SLC5A11: variants seen among roughly 807,000 people sequenced by gnomAD.
SLC5A11 encodes the protein sodium/myo-inositol cotransporter 2.
SLC5A11 carries 48 observed loss-of-function variants against 69.8 expected under a neutral mutation model. The ratio of observed to expected loss-of-function variants is 0.69; its 90% CI spans 0.55 to 0.87. The LOEUF (loss-of-function observed/expected upper bound fraction) is 0.87, where lower values mean the gene tolerates loss of function less well. Among genes scored for constraint, SLC5A11 ranks in the 40% least tolerant of loss-of-function variants. SLC5A11 has a pLI of 0.00. For missense variants in SLC5A11, 784 were observed against 866.1 expected (o/e 0.91, Z 1.19); for synonymous variants, 319 against 342.4 (o/e 0.93, Z 0.75).
chr16:24,846,117 A>T (rs922187249), exon 1 of SLC5A11: 1 of 152,386 alleles, frequency 6.6e-6, no homozygotes, highest in African/African-American at 2.4e-5. Flanking sequence ...GTGTGGGCAG[A>T]GCGTGGGACA....
At chr16:24,891,946 A>G (rs1045136534) in intron 9 of SLC5A11, among the ~76,000 whole-genome samples, 5 of 151,628 alleles carry the variant, frequency 3.3e-5, no homozygotes, top group African/African-American at 1.2e-4. Flanking sequence ...TGCAATTTAA[A>G]ATGGGGTGAC....
chr16:24,849,593 A>AAAAAAAAAATATAT, intron 1 of SLC5A11, among the ~76,000 whole-genome samples: 2 of 35,922 alleles, frequency 5.6e-5, no homozygotes, highest in African/African-American at 1.8e-4. Flanking sequence ...AAAAAAAAAA[A>AAAAAAAAAATATAT]ATATATATAT....
chr16:24,907,205 G>C (rs1201541493), intron 12 of SLC5A11, 30 bp downstream of exon 13: 2 of 1,611,416 alleles, frequency 1.2e-6, no homozygotes, highest in Non-Finnish European at 1.7e-6. Flanking sequence ...GGCTGGGGCA[G>C]GGGGAAGAGA....
At chr16:24,874,305 G>T (rs1236663817) in intron 5 of SLC5A11, among the ~76,000 whole-genome samples, 3 of 152,144 alleles carry the variant, frequency 2.0e-5, no homozygotes, top group Non-Finnish European at 4.4e-5. Flanking sequence ...TTATAAATGT[G>T]TTCTTCTACA....
chr16:24,883,109 A>G (rs1041559493), intron 7 of SLC5A11, among the ~76,000 whole-genome samples: 5 of 152,210 alleles, frequency 3.3e-5, no homozygotes, highest in Non-Finnish European at 7.3e-5. Context: ...TTACACCCGT[A>G]ATCCCAGCAC....
chr16:24,855,457 G>A (rs1293539926), intron 1 of SLC5A11, among the ~76,000 whole-genome samples: 1 of 146,054 alleles, frequency 6.8e-6, no homozygotes, highest in Non-Finnish European at 1.5e-5. Flanking sequence ...AAAAAAATTA[G>A]CCAGGCATGG....
intron 9 of SLC5A11, among the ~76,000 whole-genome samples, chr16:24,893,787 G>T (rs1379121525): frequency 6.6e-6 from 1 of 152,092 alleles, no homozygotes; most frequent in African/African-American, 2.4e-5. Flanking sequence ...GGCCAGGCTA[G>T]TCTTGAACTC....
intron 10 of SLC5A11, among the ~76,000 whole-genome samples, chr16:24,905,405 G>A (rs772722392): frequency 2.0e-5 from 3 of 150,578 alleles, no homozygotes; most frequent in African/African-American, 2.4e-5. Flanking sequence ...ATTGTGCCAC[G>A]CACTCCAGTC....
intron 6 of SLC5A11, chr16:24,877,053 G>C: frequency 7.1e-7 from 1 of 1,400,502 alleles, no homozygotes; most frequent in Non-Finnish European, 9.3e-7. Context: ...CCATTGAGGA[G>C]GCTGCTGCAT....
chr16:24,872,890 C>G (rs1283278563), intron 5 of SLC5A11, among the ~76,000 whole-genome samples: 2 of 134,442 alleles, frequency 1.5e-5, no homozygotes, highest in Non-Finnish European at 3.1e-5. Context: ...GTAATCCTAG[C>G]ACTTTGGGAG....
intron 2 of SLC5A11, among the ~76,000 whole-genome samples, chr16:24,861,615 A>G (rs556640800): frequency 2.7e-5 from 4 of 147,248 alleles, no homozygotes; most frequent in African/African-American, 7.5e-5. Flanking sequence ...GGGAGGGAGG[A>G]AGGAAGGGAG....
intron 7 of SLC5A11, among the ~76,000 whole-genome samples, chr16:24,878,087 G>A (rs557575505): frequency 4.8e-4 from 73 of 152,338 alleles, no homozygotes; most frequent in Non-Finnish European, 7.6e-4. Flanking sequence ...CCGGTGGGGC[G>A]GACGTTGCAG....
At chr16:24,869,765 T>C in intron 3 of SLC5A11, 136 bp from the exon 5 acceptor site, 3 of 610,722 alleles carry the variant, frequency 4.9e-6, no homozygotes, top group Non-Finnish European at 2.9e-6. Context: ...TAAACAAAAA[T>C]GCCAGATAGG....
intron 7 of SLC5A11, among the ~76,000 whole-genome samples, chr16:24,882,656 A>G (rs1376001718): frequency 6.6e-6 from 1 of 152,114 alleles, no homozygotes; most frequent in Non-Finnish European, 1.5e-5. Flanking sequence ...GTATTTATTT[A>G]TTCTTTTGAG....
At chr16:24,857,652 A>T (rs2152243968) in intron 1 of SLC5A11, among the ~76,000 whole-genome samples, 1 of 152,234 alleles carries the variant, frequency 6.6e-6, no homozygotes, top group Admixed American at 6.5e-5. Context: ...TCATGCTGTC[A>T]TCTCTGTGGC....
At chr16:24,860,166 A>T (rs1300618636) in intron 2 of SLC5A11, among the ~76,000 whole-genome samples, 1 of 152,232 alleles carries the variant, frequency 6.6e-6, no homozygotes, top group African/African-American at 2.4e-5. Flanking sequence ...GGGTGCCTAT[A>T]GTCCCAGCTA....
chr16:24,894,013 A>G (rs988162114), intron 9 of SLC5A11, among the ~76,000 whole-genome samples: 1 of 152,206 alleles, frequency 6.6e-6, no homozygotes. Flanking sequence ...GACAATGCCA[A>G]TAATCACAAC....
rs148995166 is a variant in SLC5A11, at chr16:24,852,334, C to A, written c.-25+5896C>A. On this transcript the variant is annotated intron_variant, in intron 1 of 15. Coordinates refer to ENST00000347898, the Ensembl canonical transcript of SLC5A11. ...TGGGGTGTGGAAATTTTTCACATCT[C>A]CTGGGGCGTGGAAAATTTTCACATC... 6.9e-3 allele frequency among the ~76,000 whole-genome samples: 1,049 copies of A among 152,232 alleles called. 10 individuals carry two copies. Among genetic ancestry groups the A allele is most frequent in the Non-Finnish European group, 0.01 (696 of 68,014 alleles).
chr16:24,886,188 C>T (rs1364840335), intron 8 of SLC5A11, among the ~76,000 whole-genome samples: 1 of 152,050 alleles, frequency 6.6e-6, no homozygotes, highest in East Asian at 1.9e-4. Context: ...ACACACGCCA[C>T]CATGCCCAGC....
Sources: allele counts gnomAD v4.1 joint callset (sites outside exome capture counted in the v4.1 genomes callset), GRCh38; gene constraint gnomAD v4.1.1; transcripts MANE v1.5; gene names NCBI Gene and HGNC (gene_info 2026-07-23, HGNC 2026-07-21).